SGPP1: variants seen among roughly 807,000 people sequenced by gnomAD.
The protein encoded by SGPP1 is hSPP1.
In SGPP1, 21 loss-of-function variants were observed where a neutral mutation model predicts 33.0. That is an observed-to-expected ratio of 0.64 (90% CI 0.45 to 0.92). The LOEUF is 0.92. Ranked by LOEUF, SGPP1 falls within the 40% of genes least tolerant of loss-of-function variation. The pLI is 0.00. For missense variants in SGPP1, 543 were observed against 589.4 expected (o/e 0.92, Z 0.81); for synonymous variants, 239 against 241.2 (o/e 0.99, Z 0.08).
At chr14:63,717,121 T>C (rs1418604931) in intron 1 of SGPP1, among the ~76,000 whole-genome samples, 2 of 151,958 alleles carry the variant, frequency 1.3e-5, no homozygotes, top group African/African-American at 4.8e-5. Flanking sequence ...GAATCTGAAA[T>C]TATACCCTAT....
At chr14:63,707,040 CAAAAAAA>C (rs747329924) in intron 1 of SGPP1, among the ~76,000 whole-genome samples, 1 of 66,332 alleles carries the variant, frequency 1.5e-5, no homozygotes, top group Admixed American at 1.8e-4. Flanking sequence ...GACTCTGTCC[CAAAAAAA>C]AAAAAAAAAA....
At chr14:63,708,823 G>C (rs1566822457) in intron 1 of SGPP1, among the ~76,000 whole-genome samples, 1 of 152,114 alleles carries the variant, frequency 6.6e-6, no homozygotes, top group Non-Finnish European at 1.5e-5. Flanking sequence ...CGGCACAGCA[G>C]GGTCAAATTT....
rs370310195 is a variant in SGPP1, at chr14:63,684,227, A to G, written c.*1878T>C. ...AAAGCAAAACCTTCTTTAATCTTCA[A>G]TTTGGCTTTTATTTTAAAATACATT... On this transcript the variant is annotated 3_prime_UTR_variant, in exon 3 of 3. Coordinates refer to ENST00000247225, the MANE Select transcript of SGPP1 (RefSeq NM_030791.4). 6.6e-6 allele frequency: 1 copy of G among 152,132 alleles called. No homozygotes were observed. Among genetic ancestry groups the G allele is most frequent in the East Asian group, 1.9e-4 (1 of 5,202 alleles). The allele number at this position is 152,132 out of a possible 1,614,324, so 9.4% of individuals were successfully genotyped here. A position where few individuals can be genotyped will look rare whatever the true frequency, so the allele number is the denominator to read the frequency against.
intron 1 of SGPP1, among the ~76,000 whole-genome samples, chr14:63,701,250 C>T (rs1196815708): frequency 2.6e-5 from 4 of 152,122 alleles, no homozygotes; most frequent in African/African-American, 9.7e-5. Context: ...TCCCACAGTA[C>T]TGAGATGAGA....
chr14:63,710,377 G>A (rs1384800905), intron 1 of SGPP1, among the ~76,000 whole-genome samples: 3 of 152,100 alleles, frequency 2.0e-5, no homozygotes, highest in Non-Finnish European at 2.9e-5. Context: ...TGGTTATAAT[G>A]AAGTAGTTAA....
Position 63,685,043 on chromosome 14 carries a change from C to T in SGPP1, c.*1062G>A, listed in dbSNP as rs908280514. 6 of 151,950 alleles carry T rather than the reference C, an allele frequency of 3.9e-5. No individual in the cohort carries two copies. Among genetic ancestry groups the T allele is most frequent in the Admixed American group, 2.6e-4 (4 of 15,246 alleles). The allele number at this position is 151,950 out of a possible 1,614,324, so 9.4% of individuals were successfully genotyped here. Reference sequence around the variant, plus strand: ...GTTTCCATTCACTGGAAATACCTACCTGCAGTATAAACAATCAAGACAATG... The same window carrying T: ...GTTTCCATTCACTGGAAATACCTACTTGCAGTATAAACAATCAAGACAATG... On this transcript the variant is annotated 3_prime_UTR_variant, in exon 3 of 3. Transcript: ENST00000247225.
intron 1 of SGPP1, among the ~76,000 whole-genome samples, chr14:63,716,739 G>A (rs1208941482): frequency 6.6e-6 from 1 of 151,628 alleles, no homozygotes; most frequent in Admixed American, 6.6e-5. Flanking sequence ...TGTCACCCAG[G>A]CTGGAGTGCA....
intron 1 of SGPP1, among the ~76,000 whole-genome samples, chr14:63,700,261 G>A (rs573465787): frequency 2.0e-5 from 3 of 151,982 alleles, no homozygotes; most frequent in East Asian, 3.9e-4. Context: ...CCATTTCCCC[G>A]GGTTTAAGAA....
intron 1 of SGPP1, among the ~76,000 whole-genome samples, chr14:63,719,875 G>A (rs1885732784): frequency 6.8e-6 from 1 of 148,082 alleles, no homozygotes; most frequent in Admixed American, 6.7e-5. Flanking sequence ...AGAACTTTGG[G>A]AGGCAGAGGC....
At chr14:63,725,716 G>A (rs1041970912) in intron 1 of SGPP1, among the ~76,000 whole-genome samples, 23 of 152,096 alleles carry the variant, frequency 1.5e-4, no homozygotes, top group Non-Finnish European at 1.2e-4. Flanking sequence ...CAGTTAGTAT[G>A]TGTCCAGAAC....
intron 1 of SGPP1, among the ~76,000 whole-genome samples, chr14:63,704,581 GA>G (rs149900634): frequency 0.046 from 7,068 of 152,242 alleles, 210 homozygotes; most frequent in South Asian, 0.09. Flanking sequence ...CGGGTGTAGT[GA>G]CTCACACCTG....
chr14:63,714,023 CTT>C (rs1356106623), intron 1 of SGPP1, among the ~76,000 whole-genome samples: 1 of 152,162 alleles, frequency 6.6e-6, no homozygotes, highest in African/African-American at 2.4e-5. Flanking sequence ...ATGGGACAGA[CTT>C]TTCTTCTGCT....
At chr14:63,723,718 C>CAAA (rs56362339) in intron 1 of SGPP1, among the ~76,000 whole-genome samples, 3 of 131,754 alleles carry the variant, frequency 2.3e-5, no homozygotes, top group African/African-American at 8.2e-5. Flanking sequence ...GATTTCGTCT[C>CAAA]AAAAAAAAAA....
chr14:63,694,749 G>A (rs1481608596), intron 2 of SGPP1, among the ~76,000 whole-genome samples: 1 of 152,084 alleles, frequency 6.6e-6, no homozygotes, highest in Non-Finnish European at 1.5e-5. Flanking sequence ...AATGTTAAAG[G>A]TAACAAAGAG....
intron 1 of SGPP1, among the ~76,000 whole-genome samples, chr14:63,702,531 G>GGTAGT (rs1258785983): frequency 2.0e-5 from 3 of 152,086 alleles, no homozygotes; most frequent in Non-Finnish European, 4.4e-5. Context: ...CCAACAGGAT[G>GGTAGT]AAACCTTGTC....
In SGPP1 at chr14:63,723,001, C is replaced by T. The variant is rs193246132; in HGVS notation, c.684+4260G>A. ...AAAAAAAAAAAAAATTAATCTAAAA[C>T]CTTCTAATTAAATAAAGTATACAGT... On this transcript the variant is annotated intron_variant, in intron 1 of 2. Coordinates refer to ENST00000247225, the MANE Select transcript of SGPP1 (RefSeq NM_030791.4). Among the ~76,000 whole-genome samples, 116 of 150,496 alleles carry T rather than the reference C, an allele frequency of 7.7e-4. 2 individuals carry two copies. The East Asian group carries it at 0.013, about 17-fold the overall frequency.
chr14:63,723,527 T>G (rs1257066354), intron 1 of SGPP1, among the ~76,000 whole-genome samples: 1 of 152,084 alleles, frequency 6.6e-6, no homozygotes, highest in East Asian at 1.9e-4. Flanking sequence ...GAGACCATCC[T>G]GGCCAACATG....
At chr14:63,698,332 T>C (rs1200050030) in intron 2 of SGPP1, among the ~76,000 whole-genome samples, 2 of 152,190 alleles carry the variant, frequency 1.3e-5, no homozygotes, top group Non-Finnish European at 2.9e-5. Flanking sequence ...GGAAGAAATG[T>C]TATCTTGATT....
chr14:63,691,950 A>G (rs1003620003), intron 2 of SGPP1, among the ~76,000 whole-genome samples: 2 of 152,160 alleles, frequency 1.3e-5, no homozygotes, highest in African/African-American at 4.8e-5. Context: ...AAAAACAAAA[A>G]GAGAAAGAAA....
Sources: gnomAD v4.1 joint callset for allele counts (sites outside exome capture counted in the v4.1 genomes callset) on GRCh38, gnomAD v4.1.1 for gene constraint, MANE v1.5 for transcripts, NCBI Gene and HGNC (gene_info 2026-07-23, HGNC 2026-07-21) for gene names.